Variants in FNDC1 observed in about 807,000 individuals in gnomAD.
FNDC1 encodes fibronectin type III domain-containing protein 1.
Under a neutral mutation model 168.0 loss-of-function variants are expected in FNDC1, and 96 were observed. The ratio of observed to expected loss-of-function variants is 0.57; its 90% CI spans 0.48 to 0.68. The LOEUF (loss-of-function observed/expected upper bound fraction) is 0.68, where lower values mean the gene tolerates loss of function less well. Ranked by LOEUF, FNDC1 falls within the 30% of genes least tolerant of loss-of-function variation. The pLI is 0.00. For synonymous variants in FNDC1, 1,099 were observed against 1,025.9 expected (o/e 1.07, Z -1.36); for missense variants, 2,587 against 2,482.1 (o/e 1.04, Z -0.90).
intron 2 of FNDC1, among the ~76,000 whole-genome samples, chr6:159,198,893 G>A (rs558011079): frequency 9.8e-5 from 15 of 152,342 alleles, no homozygotes; most frequent in South Asian, 8.3e-4. Context: ...CTGGCAGGTC[G>A]TGCCAAACCC....
At chr6:159,242,457 C>T (rs1247164075) in intron 14 of FNDC1, among the ~76,000 whole-genome samples, 3 of 152,040 alleles carry the variant, frequency 2.0e-5, no homozygotes, top group African/African-American at 7.2e-5. Context: ...TGTAACAAAC[C>T]TGCACATCCT....
intron 18 of FNDC1, among the ~76,000 whole-genome samples, chr6:159,258,540 C>T (rs1342623847): frequency 3.3e-5 from 5 of 152,028 alleles, no homozygotes; most frequent in African/African-American, 4.8e-5. Context: ...TAAAGGAGGC[C>T]GATTGGGAGG....
intron 18 of FNDC1, among the ~76,000 whole-genome samples, chr6:159,259,207 A>G (rs6913895): frequency 0.015 from 2,304 of 152,330 alleles, 63 homozygotes; most frequent in African/African-American, 0.052. Context: ...TTAGCCCATC[A>G]AAAAAGTTTC....
At chr6:159,206,963 G>C (rs1782498562) in intron 4 of FNDC1, among the ~76,000 whole-genome samples, 1 of 152,214 alleles carries the variant, frequency 6.6e-6, no homozygotes, top group African/African-American at 2.4e-5. Context: ...TTAAAATACA[G>C]CTAGACTTTG....
intron 1 of FNDC1, among the ~76,000 whole-genome samples, chr6:159,176,585 C>T (rs995662035): frequency 1.3e-5 from 2 of 152,154 alleles, no homozygotes; most frequent in Non-Finnish European, 2.9e-5. Flanking sequence ...GTGCAAGGAA[C>T]CAGGAATATT....
chr6:159,270,576 G>C (rs185152444), intron 22 of FNDC1, among the ~76,000 whole-genome samples: 1 of 152,312 alleles, frequency 6.6e-6, no homozygotes, highest in Non-Finnish European at 1.5e-5. Context: ...AGGGCAGGCA[G>C]CTATTTATTT....
In FNDC1 at chr6:159,226,536, C is replaced by G. The variant is rs757684955; in HGVS notation, c.1136C>G (p.Ala379Gly). The change falls in exon 9 of 23, where the codon GCT becomes GGT. Residue 379 changes from alanine to glycine, a missense_variant. Coordinates refer to ENST00000297267, the MANE Select transcript of FNDC1 (RefSeq NM_032532.3). Reference protein sequence around the residue: ...WPVNGKPTVVAASWDALPETE... With the variant: ...WPVNGKPTVVGASWDALPETE... ...GTCAATGGCAAACCTACAGTTGTCG[C>G]TGCATCTTGGGATGCGCTACCAGAG... 1 of 1,611,096 alleles carries G rather than the reference C, an allele frequency of 6.2e-7. No homozygotes were observed. Among genetic ancestry groups the G allele is most frequent in the Non-Finnish European group, 8.5e-7 (1 of 1,178,698 alleles).
rs1241360977 is a variant in FNDC1, at chr6:159,233,297, C to T, written c.2785C>T (p.Pro929Ser). Residue 929 changes from proline (P) to serine (S), a missense_variant, in exon 11 of 23, where the codon CCC becomes TCC. By Grantham distance (74) the Pro-to-Ser change is moderately conservative (BLOSUM62 -1). Coordinates refer to ENST00000297267, the MANE Select transcript of FNDC1 (RefSeq NM_032532.3). This position sits in a 1 kb window ranked among gnomAD's most constrained non-coding sequence, Gnocchi z 4.6. Reference protein sequence around the residue: ...LHRKEPIPENPKSTGADTHPQ... With the variant: ...LHRKEPIPENSKSTGADTHPQ... Reference sequence around the variant, plus strand: ...TCGGAAGGAACCCATCCCAGAGAACCCCAAATCCACAGGGGCAGATACACA... The same window carrying T: ...TCGGAAGGAACCCATCCCAGAGAACTCCAAATCCACAGGGGCAGATACACA... 2.5e-6 allele frequency: 4 copies of T among 1,613,952 alleles called. No individual in the cohort carries two copies. Among genetic ancestry groups the T allele is most frequent in the East Asian group, 4.5e-5 (2 of 44,868 alleles).
chr6:159,189,424 A>G (rs546534857), intron 1 of FNDC1, among the ~76,000 whole-genome samples: 5 of 152,328 alleles, frequency 3.3e-5, no homozygotes, highest in African/African-American at 1.2e-4. Flanking sequence ...GTCCATTACC[A>G]GAAGAATTAG....
At chr6:159,246,553 C>A (rs1386406271) in intron 14 of FNDC1, among the ~76,000 whole-genome samples, 1 of 152,226 alleles carries the variant, frequency 6.6e-6, no homozygotes, top group African/African-American at 2.4e-5. Flanking sequence ...GGCCTTCCCT[C>A]AGCATCAGAG....
Position 159,239,527 on chromosome 6 carries a change from G to C in FNDC1, c.4191G>C (p.Gly1397=). The C allele has an allele frequency of 3.8e-6, 6 of 1,589,482 alleles. No homozygotes were observed. The highest frequency in any genetic ancestry group is 5.1e-6 in the Non-Finnish European group (6 of 1,165,112). The change falls in exon 14 of 23, where the codon GGG becomes GGC. Residue 1397 remains glycine, a synonymous_variant. Coordinates refer to ENST00000297267, the MANE Select transcript of FNDC1 (RefSeq NM_032532.3). ...GDGRTIVDLE[G]TPVVSPDGLP... ...TTGATTTTGTTTCAGATCTGGAAGG[G>C]ACCCCCGTGGTGAGTCCTGACGGCC...
At chr6:159,270,985 G>A (rs1777733591) in intron 22 of FNDC1, among the ~76,000 whole-genome samples, 1 of 152,230 alleles carries the variant, frequency 6.6e-6, no homozygotes, top group African/African-American at 2.4e-5. Context: ...TTGGGATAAA[G>A]AAATACTTTA....
In FNDC1 at chr6:159,197,430, G is replaced by A. The variant is rs533334308; in HGVS notation, c.110-1G>A. 1 of 1,610,512 alleles carries A rather than the reference G, an allele frequency of 6.2e-7. No homozygotes were observed. Among genetic ancestry groups the A allele is most frequent in the South Asian group, 1.1e-5 (1 of 90,366 alleles). On this transcript the variant is annotated splice_acceptor_variant, in intron 1 of 22. Coordinates refer to ENST00000297267, the MANE Select transcript of FNDC1 (RefSeq NM_032532.3). LOFTEE classifies it high-confidence loss of function. ...AGTTGATAGTTGCGCTGTTTACATA[G>A]TTGACCACCCACTGAAGCCAAGGCA...
intron 8 of FNDC1, 99 bp downstream of exon 8, chr6:159,225,821 G>A (rs389041): frequency 0.29 from 315,066 of 1,077,268 alleles, 57,559 homozygotes; most frequent in East Asian, 0.75. Context: ...AAAGGCCAGC[G>A]TGGGCATTTT....
chr6:159,251,774 A>G (rs554707023), intron 17 of FNDC1, among the ~76,000 whole-genome samples: 75 of 152,328 alleles, frequency 4.9e-4, no homozygotes, highest in Admixed American at 1.8e-3. Flanking sequence ...TCCGCGTCCC[A>G]GATTGATTTG....
intron 2 of FNDC1, among the ~76,000 whole-genome samples, chr6:159,197,882 T>C (rs1242357064): frequency 6.6e-6 from 1 of 152,242 alleles, no homozygotes; most frequent in Admixed American, 6.5e-5. Context: ...AGATGATTTT[T>C]AGTTTCTGAA....
rs368313455 is a variant in FNDC1 at position 159,239,706 on chromosome 6, C to T, written c.4370C>T (p.Thr1457Met). 4.0e-5 allele frequency: 62 copies of T among 1,549,020 alleles called. No homozygotes were observed. The highest frequency in any genetic ancestry group is 7.3e-5 in the East Asian group (3 of 40,892). The change falls in exon 14 of 23, where the codon ACG becomes ATG. Residue 1457 changes from threonine to methionine, a missense_variant. Physicochemically the swap from Thr to Met is moderately conservative, Grantham distance 81 (BLOSUM62 -1). Coordinates refer to ENST00000297267, the MANE Select transcript of FNDC1 (RefSeq NM_032532.3). ...ACTACCATGCAGCCCACCACTACTA[C>T]GACGCCCCTGCCTACCACTACAACC... ...PTTTMQPTTT[T>M]TPLPTTTTPR...
intron 20 of FNDC1, among the ~76,000 whole-genome samples, chr6:159,265,401 G>A (rs1777569538): frequency 6.6e-6 from 1 of 152,202 alleles, no homozygotes. Context: ...GGTCTTCTGA[G>A]TGGCAAGAAG....
intron 7 of FNDC1, 85 bp from the exon 8 acceptor site, chr6:159,225,450 A>T: frequency 9.3e-7 from 1 of 1,076,964 alleles, no homozygotes; most frequent in Non-Finnish European, 1.3e-6. Flanking sequence ...CAAAGTCATC[A>T]CTTATGAGGA....
Sources: allele counts gnomAD v4.1 joint callset (sites outside exome capture counted in the v4.1 genomes callset), GRCh38; gene constraint gnomAD v4.1.1; non-coding constraint Gnocchi (gnomAD v3.1); transcripts MANE v1.5; gene names NCBI Gene and HGNC (gene_info 2026-07-23, HGNC 2026-07-21).